Variants in PAIP1 observed in about 807,000 individuals in gnomAD.
PAIP1 encodes the protein poly(A) binding protein interacting protein 1, also known as polyadenylate-binding protein-interacting protein 1.
In PAIP1, 16 loss-of-function variants were observed where a neutral mutation model predicts 61.3. The observed-to-expected ratio is 0.26, with a 90% CI of 0.18 to 0.40. The LOEUF is 0.40. Among genes scored for constraint, PAIP1 ranks in the 10% least tolerant of loss-of-function variants. PAIP1 has a pLI of 1.00. For missense variants in PAIP1, 416 were observed against 600.9 expected, an observed-to-expected ratio of 0.69 and a Z score of 3.22; for synonymous variants, 187 against 226.2, an observed-to-expected ratio of 0.83 and a Z score of 1.56.
Position 43,536,879 on chromosome 5 carries a change from C to A in PAIP1, c.912G>T (p.Leu304=). 2 of 1,576,480 alleles carry A rather than the reference C, an allele frequency of 1.3e-6. No homozygotes were observed. Among genetic ancestry groups the A allele is most frequent in the Non-Finnish European group, 1.7e-6 (2 of 1,150,646 alleles). The change falls in exon 6 of 11, where the codon CTG becomes CTT. Residue 304 remains leucine (L), a synonymous_variant. Coordinates refer to ENST00000306846, the MANE Select transcript of PAIP1 (RefSeq NM_006451.5). ...DILQVGLREL[L]NALFSNPMDD... is the part of the protein sequence containing the mutation. ...CCATAGGATTAGAAAACAGGGCATT[C>A]AGCAATTCTCGAAGACCAACCTGAA...
intron 3 of PAIP1, among the ~76,000 whole-genome samples, chr5:43,545,577 TACC>T (rs1747605278): frequency 6.6e-6 from 1 of 152,212 alleles, no homozygotes; most frequent in Admixed American, 6.5e-5. Flanking sequence ...TTCTCAGCTT[TACC>T]ACCACTGGCT....
At position 43,555,952 on chromosome 5, in the gene PAIP1, G is replaced by A; in HGVS notation, c.313C>T (p.Pro105Ser). The A allele has an allele frequency of 6.2e-7, 1 of 1,614,060 alleles. No individual in the cohort carries two copies. The highest frequency in any genetic ancestry group is 8.5e-7 in the Non-Finnish European group (1 of 1,179,978). Residue 105 changes from proline to serine, a missense_variant, in exon 2 of 11, where the codon CCA becomes TCA. Around this residue, in one of 4 missense-constraint regions of PAIP1, gnomAD observed 180 missense variants for 211.2 expected, o/e 0.85. Coordinates refer to ENST00000306846, the MANE Select transcript of PAIP1 (RefSeq NM_006451.5). ...ATTGCTGACTCCGAGTTCTGCTGTG[G>A]GATTTTATCCTGTGAACTAGGTGGA... is the stretch of plus-strand genomic sequence containing the variant. ...RAPPSSQDKI[P>S]QQNSESAMAK...
intron 3 of PAIP1, among the ~76,000 whole-genome samples, chr5:43,546,865 G>A (rs111647359): frequency 1.5e-4 from 23 of 151,724 alleles, no homozygotes; most frequent in African/African-American, 4.6e-4. Context: ...CAACACGGTG[G>A]AACCCTGTCT....
At chr5:43,540,372 A>C (rs572330935) in intron 4 of PAIP1, among the ~76,000 whole-genome samples, 1 of 143,544 alleles carries the variant, frequency 7.0e-6, no homozygotes, top group South Asian at 2.4e-4. Context: ...CTTTGTCGGT[A>C]AGAGTTGATG....
intron 1 of PAIP1, 191 bp downstream of exon 1, chr5:43,556,391 A>G: frequency 8.1e-7 from 1 of 1,233,038 alleles, no homozygotes; most frequent in Non-Finnish European, 1.0e-6. Flanking sequence ...CAGGCGCACA[A>G]AGGATTCCAG....
rs1240450190 is a variant in PAIP1 at position 43,534,939 on chromosome 5, C to G, written c.1111G>C (p.Glu371Gln). 2 of 1,608,358 alleles carry G rather than the reference C, an allele frequency of 1.2e-6. No homozygotes were observed. Among genetic ancestry groups the G allele is most frequent in the Non-Finnish European group, 1.7e-6 (2 of 1,174,828 alleles). Residue 371 changes from glutamate to glutamine, a missense_variant, in exon 8 of 11, where the codon GAA (glutamate) becomes CAA (glutamine). Transcript: ENST00000306846. The stretch of plus-strand genomic sequence containing the variant: ...CTGCCCCAGTTACTTGACCGGAGTT[C>G]TACAAGCTTCAAGAGCATCTGTTTT... ...DVKQMLLKLV[E>Q]LRSSNWGRVH...
chr5:43,544,146 TAAAAAAAAAAAAA>T (rs568177939), intron 3 of PAIP1, among the ~76,000 whole-genome samples: 1 of 72,686 alleles, frequency 1.4e-5, no homozygotes, highest in African/African-American at 4.8e-5. Flanking sequence ...CCCATCTTTT[TAAAAAAAAAAAAA>T]AAAAAAAAAA....
chr5:43,556,099 A>C, intron 1 of PAIP1, 100 bp from the exon 2 acceptor site: 3 of 1,471,356 alleles, frequency 2.0e-6, no homozygotes, highest in South Asian at 1.4e-5. Context: ...TGTTTTTAAG[A>C]GTTAAACAGG....
chr5:43,550,174 T>C (rs1561237653), intron 2 of PAIP1, among the ~76,000 whole-genome samples: 1 of 152,142 alleles, frequency 6.6e-6, no homozygotes, highest in Non-Finnish European at 1.5e-5. Flanking sequence ...TAAACTCTAA[T>C]ACATTAGATT....
intron 2 of PAIP1, among the ~76,000 whole-genome samples, chr5:43,551,846 C>T (rs1172997339): frequency 6.7e-6 from 1 of 148,696 alleles, no homozygotes; most frequent in Non-Finnish European, 1.5e-5. Flanking sequence ...TATAGCAGAA[C>T]AGAGGATCCA....
At chr5:43,545,840 G>A (rs543974062) in intron 3 of PAIP1, among the ~76,000 whole-genome samples, 2 of 151,872 alleles carry the variant, frequency 1.3e-5, no homozygotes, top group African/African-American at 4.8e-5. Context: ...CGCAATCTCG[G>A]CTCACTGCAA....
chr5:43,555,568 A>C (rs1290681607), intron 2 of PAIP1, among the ~76,000 whole-genome samples: 1 of 152,244 alleles, frequency 6.6e-6, no homozygotes, highest in Non-Finnish European at 1.5e-5. Flanking sequence ...AACTATGTCT[A>C]TTTTAACATA....
At position 43,555,974 on chromosome 5, in the gene PAIP1, T is replaced by C. The variant is rs1334452293; in HGVS notation, c.291A>G (p.Pro97=). 4.3e-6 allele frequency: 7 copies of C among 1,613,716 alleles called. No individual in the cohort carries two copies. Among genetic ancestry groups the C allele is most frequent in the African/African-American group, 1.3e-5 (1 of 74,944 alleles). ...LPEQTRPLRA[P]PSSQDKIPQQ... is the part of the protein sequence containing the mutation. ...GTGGGATTTTATCCTGTGAACTAGG[T>C]GGAGCTCTCAGGGGCCTCGTTTGCT... Residue 97 remains proline (P), a synonymous_variant, in exon 2 of 11, where the codon CCA becomes CCG. Transcript: ENST00000306846.
chr5:43,534,401 G>A (rs1429297426), intron 8 of PAIP1, among the ~76,000 whole-genome samples: 2 of 152,342 alleles, frequency 1.3e-5, no homozygotes, highest in African/African-American at 2.4e-5. Context: ...GTTTCTCCAC[G>A]TTGGTCAGGC....
intron 1 of PAIP1, 58 bp downstream of exon 1, chr5:43,556,524 G>T: frequency 8.1e-7 from 1 of 1,232,752 alleles, no homozygotes. Context: ...GGCACGCGTG[G>T]AGGGCCGTGG....
At chr5:43,550,749 A>T (rs1249074460) in intron 2 of PAIP1, among the ~76,000 whole-genome samples, 1 of 146,640 alleles carries the variant, frequency 6.8e-6, no homozygotes, top group African/African-American at 2.5e-5. Context: ...TGACATGAAT[A>T]TCTGCCATGA....
In PAIP1 at chr5:43,535,670, A is replaced by C. The variant is rs762392355; in HGVS notation, c.973-30T>G. 3 of 1,151,188 alleles carry C rather than the reference A, an allele frequency of 2.6e-6. No individual in the cohort carries two copies. In the South Asian group the frequency reaches 3.7e-5, roughly 14 times the overall value. The allele number at this position is 1,151,188 out of a possible 1,614,324, so 71.3% of individuals were successfully genotyped here. On this transcript the variant is annotated intron_variant, in intron 6 of 10. Transcript: ENST00000306846. ...AAAAGCAGGTGTCAGTAAAATAAGA[A>C]ATTCAATAGTGTATTATAGAAATTC...
At chr5:43,545,448 G>A (rs932831514) in intron 3 of PAIP1, among the ~76,000 whole-genome samples, 1 of 152,244 alleles carries the variant, frequency 6.6e-6, no homozygotes, top group African/African-American at 2.4e-5. Flanking sequence ...ATTTCAAACC[G>A]GCTGTTCAGT....
chr5:43,547,980 T>C, intron 2 of PAIP1, 67 bp from the exon 3 acceptor site: 1 of 933,152 alleles, frequency 1.1e-6, no homozygotes, highest in Non-Finnish European at 1.6e-6. Context: ...AGGTGGTATG[T>C]CTCTAGCACA....
Sources: gnomAD v4.1 joint callset for allele counts (sites outside exome capture counted in the v4.1 genomes callset) on GRCh38, gnomAD v4.1.1 for gene constraint, gnomAD v4.1.1 regional missense constraint, MANE v1.5 for transcripts, NCBI Gene and HGNC (gene_info 2026-07-23, HGNC 2026-07-21) for gene names.